Variants in LRP1B observed in about 807,000 individuals in gnomAD.
The protein encoded by LRP1B is low-density lipoprotein receptor-related protein 1B.
LRP1B carries 217 observed loss-of-function variants against 556.6 expected under a neutral mutation model. That is an observed-to-expected ratio of 0.39 (90% confidence interval 0.35 to 0.44). The LOEUF (loss-of-function observed/expected upper bound fraction) is 0.44, where lower values mean the gene tolerates loss of function less well. LRP1B is among the 20% of genes least tolerant of loss of function. The pLI, the probability that LRP1B is intolerant of heterozygous loss-of-function variation, is 1.00. For missense variants in LRP1B, 5,053 were observed against 5,620.8 expected (o/e 0.90, Z 3.23); for synonymous variants, 2,047 against 1,865.8 (o/e 1.10, Z -2.50).
At chr2:141,107,271 A>G (rs1430364158) in intron 7 of LRP1B, among the ~76,000 whole-genome samples, 4 of 152,188 alleles carry the variant, frequency 2.6e-5, no homozygotes, top group Non-Finnish European at 5.9e-5. Flanking sequence ...TTATATTTAT[A>G]GGGTGATTTA....
chr2:140,675,820 G>A (rs535793635), intron 41 of LRP1B, among the ~76,000 whole-genome samples: 23 of 152,240 alleles, frequency 1.5e-4, no homozygotes, highest in African/African-American at 5.3e-4. Flanking sequence ...GTATGTGTGT[G>A]TGCATACACA....
intron 75 of LRP1B, among the ~76,000 whole-genome samples, 186 bp from the exon 76 acceptor site, chr2:140,353,258 TAGA>T (rs1409806447): frequency 2.0e-5 from 3 of 152,178 alleles, no homozygotes; most frequent in South Asian, 2.1e-4. Flanking sequence ...ATATTTGTAG[TAGA>T]AGATTTATCA....
intron 41 of LRP1B, among the ~76,000 whole-genome samples, chr2:140,618,986 A>G (rs1209464887): frequency 6.6e-6 from 1 of 152,062 alleles, no homozygotes; most frequent in Non-Finnish European, 1.5e-5. Flanking sequence ...AAATCTGAAT[A>G]TTTTTACAAT....
intron 5 of LRP1B, among the ~76,000 whole-genome samples, chr2:141,232,799 T>A: frequency 6.6e-6 from 1 of 152,186 alleles, no homozygotes; most frequent in East Asian, 1.9e-4. Context: ...GAAGTAATCT[T>A]CATGGGTCTC....
At chr2:141,215,564 A>G (rs1197118522) in intron 6 of LRP1B, among the ~76,000 whole-genome samples, 1 of 152,304 alleles carries the variant, frequency 6.6e-6, no homozygotes, top group Admixed American at 6.5e-5. Flanking sequence ...TTGTGACCAA[A>G]TGCTGATACT....
chr2:141,456,617 T>C (rs1463148109), intron 3 of LRP1B, among the ~76,000 whole-genome samples: 1 of 152,198 alleles, frequency 6.6e-6, no homozygotes, highest in Admixed American at 6.5e-5. Flanking sequence ...AGTGAGTGAA[T>C]GTAATGCTGC....
intron 52 of LRP1B, 52 bp downstream of exon 52, chr2:140,509,876 A>T: frequency 6.3e-7 from 1 of 1,582,476 alleles, no homozygotes; most frequent in Non-Finnish European, 8.6e-7. Context: ...ACAAATAACC[A>T]AGGATGCTGC....
intron 2 of LRP1B, among the ~76,000 whole-genome samples, chr2:141,510,474 T>C (rs1684085836): frequency 6.6e-6 from 1 of 152,122 alleles, no homozygotes; most frequent in Non-Finnish European, 1.5e-5. Flanking sequence ...GTATTTTATG[T>C]TTACAAATAT....
rs536316755 is a variant in LRP1B at position 140,654,752 on chromosome 2, G to C, written c.6799+45498C>G. Among the ~76,000 whole-genome samples, 3 of 152,240 alleles carry C rather than the reference G, an allele frequency of 2.0e-5. No individual in the cohort carries two copies. In the East Asian group the frequency reaches 5.8e-4, roughly 29 times the overall value. ...AATTATGCTTACTCATAAGAGACGA[G>C]AAGGGATGCTAAGTAAAAATGGATT... On this transcript the variant is annotated intron_variant, in intron 41 of 90. Transcript: ENST00000389484.
In LRP1B at chr2:141,385,092, A is replaced by T. The variant is rs565873287; in HGVS notation, c.343+95304T>A. Among the ~76,000 whole-genome samples the T allele has an allele frequency of 2.0e-5, 3 of 152,214 alleles. No homozygotes were observed. The South Asian group carries it at 6.2e-4, about 32-fold the overall frequency. ...GGGGCTGGTTTTCCCAACACTTAGG[A>T]GCTGAATTTTTGTACGCCACTGCAG... On this transcript the variant is annotated intron_variant, in intron 3 of 90. Transcript: ENST00000389484.
intron 3 of LRP1B, among the ~76,000 whole-genome samples, chr2:141,292,073 T>C: frequency 6.6e-6 from 1 of 152,148 alleles, no homozygotes; most frequent in Non-Finnish European, 1.5e-5. Context: ...AGCATTACTG[T>C]CTGAGCTCCA....
chr2:140,458,801 C>T (rs1442150468), intron 60 of LRP1B, among the ~76,000 whole-genome samples: 1 of 151,810 alleles, frequency 6.6e-6, no homozygotes. Flanking sequence ...TTTATATTAT[C>T]AACTAAAGTA....
chr2:141,130,414 G>C (rs1309384686), intron 7 of LRP1B, among the ~76,000 whole-genome samples: 2 of 152,000 alleles, frequency 1.3e-5, no homozygotes. Flanking sequence ...AGATTAAAAA[G>C]TTAACACAGA....
rs1406620867 is a variant in LRP1B, at chr2:140,316,232, T to C, written c.12641-1133A>G. On this transcript the variant is annotated intron_variant, in intron 82 of 90. Transcript: ENST00000389484. ...AAGCATTCTATTCTAGAATATGCCC[T>C]TTACTATAGTAATGTCCATTTTATA... Among the ~76,000 whole-genome samples, 3 of 152,174 alleles carry C rather than the reference T, an allele frequency of 2.0e-5. No homozygotes were observed. In the East Asian group the frequency reaches 5.8e-4, roughly 29 times the overall value.
chr2:140,993,951 A>G (rs750256710), intron 16 of LRP1B, 44 bp downstream of exon 16: 1 of 1,597,650 alleles, frequency 6.3e-7, no homozygotes, highest in East Asian at 2.2e-5. Context: ...ACACTCAAAG[A>G]CTCAGGAAAA....
intron 31 of LRP1B, among the ~76,000 whole-genome samples, chr2:140,839,193 TAATTA>T (rs1368176539): frequency 5.3e-5 from 8 of 152,232 alleles, no homozygotes; most frequent in African/African-American, 1.7e-4. Flanking sequence ...AGAGATTGAT[TAATTA>T]AATTAAATTA....
rs1707216199 is a variant in LRP1B, at chr2:142,115,675, T to TATATATATTATATGTA, written c.82+14972_82+14973insTACATATAATATATAT. On this transcript the variant is annotated intron_variant, in intron 1 of 90. Transcript: ENST00000389484. ...TATTATATGTAATATATATATGTAA[T>TATATATATTATATGTA]ATATATATAATATATATGTAATATA... Among the ~76,000 whole-genome samples the TATATATATTATATGTA allele has an allele frequency of 3.1e-3, 8 of 2,588 alleles. 2 individuals carry two copies. The highest frequency in any genetic ancestry group is 0.011 in the Non-Finnish European group (8 of 738). The allele number at this position is 2,588 out of a possible 152,430, so 1.7% of individuals were successfully genotyped here.
intron 6 of LRP1B, among the ~76,000 whole-genome samples, chr2:141,214,766 A>G (rs1682723412): frequency 6.6e-6 from 1 of 152,178 alleles, no homozygotes; most frequent in African/African-American, 2.4e-5. Context: ...TCAGAGACCA[A>G]GCCTGAATAA....
chr2:140,860,255 A>G (rs549137597), intron 27 of LRP1B, among the ~76,000 whole-genome samples: 8 of 152,284 alleles, frequency 5.3e-5, no homozygotes, highest in African/African-American at 1.9e-4. Flanking sequence ...TGTGAAATGG[A>G]GACTGAGTTA....
Sources: allele counts gnomAD v4.1 joint callset (sites outside exome capture counted in the v4.1 genomes callset), GRCh38; gene constraint gnomAD v4.1.1; transcripts MANE v1.5; gene names NCBI Gene and HGNC (gene_info 2026-07-23, HGNC 2026-07-21).